ARIH1: variants seen among roughly 807,000 people sequenced by gnomAD.
ARIH1 encodes E3 ubiquitin-protein ligase ARIH1.
In ARIH1, 8 loss-of-function variants were observed where a neutral mutation model predicts 85.0. That is an observed-to-expected ratio of 0.09 (90% CI 0.06 to 0.17). The LOEUF is 0.17. Among genes scored for constraint, ARIH1 ranks in the 10% least tolerant of loss-of-function variants. ARIH1 has a pLI of 1.00. For missense variants in ARIH1, 311 were observed against 718.1 expected, an observed-to-expected ratio of 0.43 and a Z score of 6.48; for synonymous variants, 238 against 253.6, an observed-to-expected ratio of 0.94 and a Z score of 0.59.
intron 2 of ARIH1, among the ~76,000 whole-genome samples, chr15:72,525,107 T>G (rs1197890615): frequency 6.6e-6 from 1 of 152,154 alleles, no homozygotes; most frequent in African/African-American, 2.4e-5. Flanking sequence ...GCCAGGCTGG[T>G]CTCGAACTCC....
chr15:72,478,034 G>T (rs956947906), intron 1 of ARIH1, among the ~76,000 whole-genome samples: 2 of 152,134 alleles, frequency 1.3e-5, no homozygotes, highest in African/African-American at 4.8e-5. Flanking sequence ...CTGAACTCCT[G>T]GCCTCAAGTG....
intron 1 of ARIH1, among the ~76,000 whole-genome samples, chr15:72,496,323 T>G (rs1387675940): frequency 2.0e-5 from 3 of 152,208 alleles, no homozygotes; most frequent in African/African-American, 7.2e-5. Flanking sequence ...GCAAACGTTT[T>G]TATAAAGGCA....
intron 11 of ARIH1, 167 bp from the exon 12 acceptor site, chr15:72,580,564 G>A: frequency 1.5e-6 from 1 of 653,118 alleles, no homozygotes; most frequent in Non-Finnish European, 2.5e-6. Flanking sequence ...TGTATCAAGA[G>A]TCTCCTTCTT....
chr15:72,533,160 G>C (rs2064065467), intron 2 of ARIH1, among the ~76,000 whole-genome samples: 1 of 152,094 alleles, frequency 6.6e-6, no homozygotes, highest in Non-Finnish European at 1.5e-5. Context: ...ATGGGGTCTT[G>C]CTCTGTCTCC....
At chr15:72,536,541 G>A (rs952324145) in intron 2 of ARIH1, among the ~76,000 whole-genome samples, 3 of 152,192 alleles carry the variant, frequency 2.0e-5, no homozygotes, top group African/African-American at 4.8e-5. Flanking sequence ...GGGGATGTAA[G>A]AGGTCAATTT....
At chr15:72,506,267 G>A (rs1213576024) in intron 1 of ARIH1, among the ~76,000 whole-genome samples, 3 of 150,886 alleles carry the variant, frequency 2.0e-5, no homozygotes, top group African/African-American at 4.9e-5. Context: ...GGGGAATGGC[G>A]TGCACCCGGG....
chr15:72,509,968 G>C (rs1255912499), intron 1 of ARIH1, among the ~76,000 whole-genome samples: 1 of 150,082 alleles, frequency 6.7e-6, no homozygotes, highest in Non-Finnish European at 1.5e-5. Context: ...TGCAGTGACT[G>C]TTCACAGATG....
Position 72,505,878 on chromosome 15 carries a change from G to C in ARIH1, c.376-12189G>C, listed in dbSNP as rs1003477561. On this transcript the variant is annotated intron_variant, in intron 1 of 13. Transcript: ENST00000379887. The stretch of plus-strand genomic sequence containing the variant: ...AGCCTCCCGAGGAGCTGGGATTACA[G>C]GCTCGTGCCACCATAGCGGGTAATT... Among the ~76,000 whole-genome samples, 9 of 152,212 alleles carry C rather than the reference G, an allele frequency of 5.9e-5. No individual in the cohort carries two copies. The South Asian group carries it at 1.9e-3, about 32-fold the overall frequency.
In ARIH1 at chr15:72,511,047, T is replaced by G. The variant is rs1366749141; in HGVS notation, c.376-7020T>G. ...AGTTTGATTGGCATTGAGTGGAATC[T>G]ATAGGTCAGTTTGGGAAGAATTAAC... On this transcript the variant is annotated intron_variant, in intron 1 of 13. Coordinates refer to ENST00000379887, the MANE Select transcript of ARIH1 (RefSeq NM_005744.5). 2.6e-5 allele frequency among the ~76,000 whole-genome samples: 4 copies of G among 152,290 alleles called. No individual in the cohort carries two copies. The East Asian group carries it at 7.7e-4, about 29-fold the overall frequency.
intron 10 of ARIH1, 144 bp from the exon 11 acceptor site, chr15:72,571,964 G>A: frequency 1.6e-6 from 1 of 611,176 alleles, no homozygotes; most frequent in Non-Finnish European, 2.8e-6. Context: ...AGAACCCTGG[G>A]TGTTTTAACA....
chr15:72,477,979 C>G (rs2063801252), intron 1 of ARIH1, among the ~76,000 whole-genome samples: 1 of 152,122 alleles, frequency 6.6e-6, no homozygotes, highest in African/African-American at 2.4e-5. Flanking sequence ...CCAGGCCCAG[C>G]TAATTCTTGT....
chr15:72,536,367 A>G (rs1355968776), intron 2 of ARIH1, among the ~76,000 whole-genome samples: 1 of 152,196 alleles, frequency 6.6e-6, no homozygotes, highest in Admixed American at 6.5e-5. Flanking sequence ...CAGTGCTGGG[A>G]TACAGGCTCA....
intron 1 of ARIH1, among the ~76,000 whole-genome samples, chr15:72,480,574 T>C (rs571949420): frequency 3.9e-5 from 6 of 151,924 alleles, no homozygotes; most frequent in African/African-American, 1.4e-4. Context: ...CTTTTTGTTG[T>C]TGTTGTTGAG....
intron 9 of ARIH1, among the ~76,000 whole-genome samples, chr15:72,568,177 A>C (rs186163518): frequency 6.6e-6 from 1 of 152,328 alleles, no homozygotes; most frequent in Admixed American, 6.5e-5. Context: ...CATCACGATA[A>C]GCATAACTCA....
Position 72,507,013 on chromosome 15 carries a change from TATGTATG to T in ARIH1, c.376-11053_376-11047del, listed in dbSNP as rs751967224. Among the ~76,000 whole-genome samples the T allele has an allele frequency of 8.2e-4, 122 of 148,996 alleles. 1 individual carries two copies. The highest frequency in any genetic ancestry group is 1.2e-3 in the Non-Finnish European group (79 of 67,274). On this transcript the variant is annotated intron_variant, in intron 1 of 13. Coordinates refer to ENST00000379887, the MANE Select transcript of ARIH1 (RefSeq NM_005744.5). ...GTATGTATGTATGTATGTATGTATG[TATGTATG>T]TATTTATTTATTTATTTTTTGAAAC...
intron 5 of ARIH1, among the ~76,000 whole-genome samples, chr15:72,556,712 G>T (rs1410329897): frequency 1.3e-5 from 2 of 152,094 alleles, no homozygotes; most frequent in Admixed American, 6.5e-5. Flanking sequence ...AACTCTTGCC[G>T]TCCCACCCTA....
At chr15:72,525,371 T>G (rs1340367355) in intron 2 of ARIH1, among the ~76,000 whole-genome samples, 1 of 152,216 alleles carries the variant, frequency 6.6e-6, no homozygotes, top group Non-Finnish European at 1.5e-5. Flanking sequence ...ACTAGATTCT[T>G]AGCAAACTGA....
At chr15:72,570,927 A>G (rs1161823653) in intron 10 of ARIH1, among the ~76,000 whole-genome samples, 2 of 151,972 alleles carry the variant, frequency 1.3e-5, no homozygotes, top group Non-Finnish European at 2.9e-5. Context: ...TCGGGAGTTC[A>G]AGACCAGCCC....
rs944977568 is a variant in ARIH1, at chr15:72,597,658, G to A, written c.*14366G>A. The A allele has an allele frequency of 2.6e-5, 4 of 152,042 alleles. No homozygotes were observed. Among genetic ancestry groups the A allele is most frequent in the East Asian group, 3.9e-4 (2 of 5,180 alleles). The allele number at this position is 152,042 out of a possible 1,614,324, so 9.4% of individuals were successfully genotyped here. ...TTGGGAGAAGTCAAGCTCTCTCAGC[G>A]TTCCTTCTATTATCCACACCTTTAG... On this transcript the variant is annotated 3_prime_UTR_variant, in exon 14 of 14. Transcript: ENST00000379887.
Sources: gnomAD v4.1 joint callset for allele counts (sites outside exome capture counted in the v4.1 genomes callset) on GRCh38, gnomAD v4.1.1 for gene constraint, MANE v1.5 for transcripts, NCBI Gene and HGNC (gene_info 2026-07-23, HGNC 2026-07-21) for gene names.